Variants in DCC observed in about 807,000 individuals in gnomAD.
DCC encodes netrin receptor DCC.
A neutral mutation model predicts 172.5 loss-of-function variants in DCC; 58 were observed. The ratio of observed to expected loss-of-function variants is 0.34; its 90% CI spans 0.27 to 0.42. The LOEUF (loss-of-function observed/expected upper bound fraction) is 0.42. Among genes scored for constraint, DCC ranks in the 10% least tolerant of loss-of-function variants. The probability of loss-of-function intolerance (pLI) is 1.00; values close to 1 mark genes in which losing one functional copy is unlikely to be tolerated. For synonymous variants in DCC, 709 were observed against 644.5 expected (o/e 1.10, Z -1.52); for missense variants, 1,740 against 1,791.0 (o/e 0.97, Z 0.51).
At chr18:52,523,493 T>G (rs1055467419) in intron 1 of DCC, among the ~76,000 whole-genome samples, 2 of 152,200 alleles carry the variant, frequency 1.3e-5, no homozygotes, top group Non-Finnish European at 2.9e-5. Flanking sequence ...AAATTGTTTA[T>G]TTTAGAAAAA....
intron 1 of DCC, among the ~76,000 whole-genome samples, chr18:52,562,446 C>A (rs2033060849): frequency 6.6e-6 from 1 of 152,062 alleles, no homozygotes; most frequent in Non-Finnish European, 1.5e-5. Context: ...TTGTATCAAA[C>A]CACTGTTCTT....
intron 1 of DCC, among the ~76,000 whole-genome samples, chr18:52,489,265 A>G (rs908738703): frequency 2.6e-5 from 4 of 152,054 alleles, no homozygotes; most frequent in African/African-American, 9.7e-5. Flanking sequence ...ATAGATTTAG[A>G]TTCCTACCAA....
intron 2 of DCC, among the ~76,000 whole-genome samples, chr18:52,800,644 A>G (rs1321008970): frequency 1.3e-5 from 2 of 150,418 alleles, no homozygotes; most frequent in Non-Finnish European, 3.0e-5. Context: ...CAGATGTTGC[A>G]TACTTATGAA....
chr18:53,325,501 A>T (rs1461797657), intron 14 of DCC, among the ~76,000 whole-genome samples: 1 of 152,200 alleles, frequency 6.6e-6, no homozygotes, highest in African/African-American at 2.4e-5. Flanking sequence ...TCACAACTTA[A>T]GTAGAACCAA....
At chr18:53,382,688 A>G (rs753595057) in intron 15 of DCC, among the ~76,000 whole-genome samples, 7 of 152,146 alleles carry the variant, frequency 4.6e-5, no homozygotes, top group Non-Finnish European at 8.8e-5. Flanking sequence ...TTGTTGATTG[A>G]TTACTTTCTT....
At position 52,642,014 on chromosome 18, in the gene DCC, GTATATATATATATATA is replaced by G. The variant is rs1193018662; in HGVS notation, c.92-110023_92-110008del. 3.5e-4 allele frequency among the ~76,000 whole-genome samples: 12 copies of G among 34,526 alleles called. No individual in the cohort carries two copies. The East Asian group carries it at 3.5e-3, about 10-fold the overall frequency. 22.7% of individuals were successfully genotyped at this position (34,526 alleles called of 152,430 possible). A position where few individuals can be genotyped will look rare whatever the true frequency, so the allele number is the denominator to read the frequency against. On this transcript the variant is annotated intron_variant, in intron 1 of 28. Coordinates refer to ENST00000442544, the MANE Select transcript of DCC (RefSeq NM_005215.4). ...GATAAAGAAACTGTGGTGTGTGTGT[GTATATATATATATATA>G]TATATATATATATATACTGTGGTGT...
intron 3 of DCC, among the ~76,000 whole-genome samples, chr18:52,912,022 G>A (rs1490824360): frequency 6.6e-6 from 1 of 151,926 alleles, no homozygotes; most frequent in African/African-American, 2.4e-5. Flanking sequence ...CTATTTCCAT[G>A]GATTCTGCTA....
At chr18:53,174,773 C>A (rs2055065028) in intron 8 of DCC, among the ~76,000 whole-genome samples, 1 of 150,208 alleles carries the variant, frequency 6.7e-6, no homozygotes, top group South Asian at 2.2e-4. Flanking sequence ...ACCATTCCTT[C>A]TGAAACTATT....
At chr18:53,201,845 T>A (rs2055542193) in intron 9 of DCC, among the ~76,000 whole-genome samples, 1 of 152,102 alleles carries the variant, frequency 6.6e-6, no homozygotes, top group African/African-American at 2.4e-5. Context: ...GAGACACTCA[T>A]AAAGTGTCTG....
At chr18:52,475,108 A>T (rs1989056833) in intron 1 of DCC, among the ~76,000 whole-genome samples, 1 of 152,186 alleles carries the variant, frequency 6.6e-6, no homozygotes, top group South Asian at 2.1e-4. Flanking sequence ...ACATCTAATC[A>T]TTGAAATTCT....
intron 21 of DCC, among the ~76,000 whole-genome samples, chr18:53,423,930 G>A (rs1011872986): frequency 2.0e-5 from 3 of 152,202 alleles, no homozygotes; most frequent in Non-Finnish European, 4.4e-5. Flanking sequence ...TGAATGAAAA[G>A]TGTAGATTGG....
At chr18:52,408,194 T>C (rs1159835075) in intron 1 of DCC, among the ~76,000 whole-genome samples, 1 of 152,130 alleles carries the variant, frequency 6.6e-6, no homozygotes, top group East Asian at 1.9e-4. Flanking sequence ...TAAAATAATA[T>C]ACTAGTATGA....
At chr18:53,040,001 T>A (rs28561967) in intron 5 of DCC, among the ~76,000 whole-genome samples, 47,037 of 151,804 alleles carry the variant, frequency 0.31, 8,386 homozygotes, top group African/African-American at 0.49. Flanking sequence ...ATTTAAACTG[T>A]ATTGCCCTTA....
At chr18:52,513,847 C>T (rs907392003) in intron 1 of DCC, among the ~76,000 whole-genome samples, 9 of 152,122 alleles carry the variant, frequency 5.9e-5, no homozygotes, top group Admixed American at 2.6e-4. Context: ...TGTTTCATTT[C>T]GATTAACAGA....
At chr18:53,153,135 C>T (rs1358122830) in intron 7 of DCC, among the ~76,000 whole-genome samples, 1 of 152,172 alleles carries the variant, frequency 6.6e-6, no homozygotes, top group Non-Finnish European at 1.5e-5. Flanking sequence ...TGGAAAACTT[C>T]CCTCTTGTTC....
intron 7 of DCC, among the ~76,000 whole-genome samples, chr18:53,111,425 CAAAAAAAAGAAAGAAAGATTAAA>C (rs2043329901): frequency 1.1e-5 from 1 of 92,540 alleles, no homozygotes; most frequent in African/African-American, 4.7e-5. Flanking sequence ...TAAAAAAAGA[CAAAAAAAAGAAAGAAAGATTAAA>C]AAAAAAAAAG....
At chr18:52,829,013 T>C (rs981445538) in intron 2 of DCC, among the ~76,000 whole-genome samples, 2 of 152,244 alleles carry the variant, frequency 1.3e-5, no homozygotes, top group Non-Finnish European at 2.9e-5. Context: ...TGTTTGCTTA[T>C]ATAATTAAAA....
Position 52,418,272 on chromosome 18 carries a change from G to A in DCC, c.91+77394G>A, listed in dbSNP as rs146444489. On this transcript the variant is annotated intron_variant, in intron 1 of 28. Coordinates refer to ENST00000442544, the MANE Select transcript of DCC (RefSeq NM_005215.4). The stretch of plus-strand genomic sequence containing the variant: ...TCCAAAAATACCCCTGGTGTATCTT[G>A]AGAATGTAGCTCTTCTCCATTTTTA... Among the ~76,000 whole-genome samples the A allele has an allele frequency of 2.5e-3, 383 of 152,250 alleles. 4 individuals are homozygous for A. The highest frequency in any genetic ancestry group is 8.9e-3 in the African/African-American group (371 of 41,546).
chr18:52,915,889 G>C (rs114836204), intron 3 of DCC, among the ~76,000 whole-genome samples: 319 of 152,188 alleles, frequency 2.1e-3, no homozygotes, highest in African/African-American at 7.2e-3. Flanking sequence ...TTATGAGACT[G>C]TGTCTGCATT....
Sources: allele counts gnomAD v4.1 joint callset (sites outside exome capture counted in the v4.1 genomes callset), GRCh38; gene constraint gnomAD v4.1.1; transcripts MANE v1.5; gene names NCBI Gene and HGNC (gene_info 2026-07-23, HGNC 2026-07-21).